Variants in NBAS observed in about 807,000 individuals in gnomAD.
NBAS encodes NBAS subunit of NRZ tethering complex, also known as NAG/BC035112 fusion.
A neutral mutation model predicts 302.5 loss-of-function variants in NBAS; 219 were observed. The ratio of observed to expected loss-of-function variants is 0.72; its 90% CI spans 0.65 to 0.81. The LOEUF is 0.81. NBAS is among the 30% of genes least tolerant of loss of function. The pLI is 0.00. For missense variants in NBAS, 2,932 were observed against 2,841.6 expected (o/e 1.03, Z -0.72); for synonymous variants, 1,118 against 1,021.6 (o/e 1.09, Z -1.80).
chr2:15,298,315 A>T (rs1009952811), intron 40 of NBAS, among the ~76,000 whole-genome samples: 3 of 152,234 alleles, frequency 2.0e-5, no homozygotes, highest in African/African-American at 7.2e-5. Flanking sequence ...TTTATTGTAT[A>T]AAACATGATA....
the NBAS span, among the ~76,000 whole-genome samples, chr2:15,088,079 C>T: frequency 2.0e-5 from 3 of 152,188 alleles, no homozygotes; most frequent in Non-Finnish European, 2.9e-5. Context: ...AAATGGGGCC[C>T]TGGAGGTACT....
chr2:15,282,222 C>T (rs952914144), intron 42 of NBAS, among the ~76,000 whole-genome samples: 1 of 152,140 alleles, frequency 6.6e-6, no homozygotes, highest in East Asian at 1.9e-4. Flanking sequence ...GGGTTAGATG[C>T]TCCCTCTCTC....
chr2:14,858,091 G>A, the NBAS span, among the ~76,000 whole-genome samples: 1 of 152,048 alleles, frequency 6.6e-6, no homozygotes, highest in Non-Finnish European at 1.5e-5. Flanking sequence ...GATCATCAGA[G>A]AAATGCAAAT....
intron 42 of NBAS, among the ~76,000 whole-genome samples, chr2:15,282,660 T>C (rs547991364): frequency 6.6e-5 from 10 of 152,298 alleles, no homozygotes; most frequent in African/African-American, 1.9e-4. Flanking sequence ...TGTATAACCA[T>C]TTGAGTGACC....
chr2:15,172,126 T>G (rs1262657518), intron 51 of NBAS, among the ~76,000 whole-genome samples: 1 of 152,242 alleles, frequency 6.6e-6, no homozygotes, highest in Admixed American at 6.5e-5. Context: ...AGCATGGGAA[T>G]GCATCAGTGT....
chr2:14,847,101 C>T, the NBAS span, among the ~76,000 whole-genome samples: 12 of 152,052 alleles, frequency 7.9e-5, no homozygotes, highest in Middle Eastern at 3.4e-3. Flanking sequence ...CAAACATAGA[C>T]GGCCGGGCAT....
chr2:15,264,780 T>C lies in NBAS; in HGVS notation c.5724+10704A>G, dbSNP rs191128059. Reference sequence around the variant, plus strand: ...TGGAGCTGGTGGGACAATTCAGTCATGTTACAACATCTCTTCCTCCTCTTA... The same window carrying C: ...TGGAGCTGGTGGGACAATTCAGTCACGTTACAACATCTCTTCCTCCTCTTA... On this transcript the variant is annotated intron_variant, in intron 44 of 51. Transcript: ENST00000281513. Among the ~76,000 whole-genome samples the C allele has an allele frequency of 5.1e-3, 779 of 152,278 alleles. 3 individuals carry two copies. Among genetic ancestry groups the C allele is most frequent in the African/African-American group, 0.016 (664 of 41,554 alleles).
chr2:15,268,566 T>G (rs1198037592), intron 44 of NBAS, among the ~76,000 whole-genome samples: 1 of 152,230 alleles, frequency 6.6e-6, no homozygotes, highest in East Asian at 1.9e-4. Flanking sequence ...GTGGCACACA[T>G]GATAGTTCTG....
intron 25 of NBAS, among the ~76,000 whole-genome samples, chr2:15,406,116 C>CAAAAAAAAAAAAAAAAAAAAAAAAA (rs772651880): frequency 1.5e-5 from 2 of 134,528 alleles, no homozygotes; most frequent in Non-Finnish European, 3.1e-5. Flanking sequence ...AAAAAAAAAA[C>CAAAAAAAAAAAAAAAAAAAAAAAAA]AAAACAAAAA....
chr2:15,561,254 A>G lies in NBAS; in HGVS notation c.51T>C (p.Gly17=). 6.2e-7 allele frequency: 1 copy of G among 1,612,240 alleles called. No individual in the cohort carries two copies. Among genetic ancestry groups the G allele is most frequent in the Non-Finnish European group, 8.5e-7 (1 of 1,179,640 alleles). The change falls in exon 1 of 52, where the codon GGT becomes GGC. Residue 17 remains glycine, a synonymous_variant. Transcript: ENST00000281513. Reference sequence around the variant, plus strand: ...AGTCATAGAGAATCGTCTCCTCCTCACCCTCTGCAGTGCCTGGACTCAAAG... The same window carrying G: ...AGTCATAGAGAATCGTCTCCTCCTCGCCCTCTGCAGTGCCTGGACTCAAAG... ...GPALSPGTAE[G]EEETILYDLL... is the part of the protein sequence containing the mutation.
intron 44 of NBAS, among the ~76,000 whole-genome samples, chr2:15,251,293 A>G (rs1468306194): frequency 2.0e-5 from 3 of 152,108 alleles, no homozygotes; most frequent in Non-Finnish European, 4.4e-5. Flanking sequence ...AACATCACAC[A>G]CCAGGGCCTG....
At chr2:14,890,863 AC>A in the NBAS span, 1 of 161,800 alleles carries the variant, frequency 6.2e-6, no homozygotes. Context: ...ACAAAAAAAA[AC>A]ATGTTCTCTT....
At chr2:15,503,336 C>G (rs981981062) in intron 11 of NBAS, among the ~76,000 whole-genome samples, 86 of 152,136 alleles carry the variant, frequency 5.7e-4, no homozygotes, top group African/African-American at 2.1e-3. Flanking sequence ...CTGATTCAAC[C>G]AACCATGAAT....
At chr2:14,997,706 T>C in the NBAS span, among the ~76,000 whole-genome samples, 4 of 152,196 alleles carry the variant, frequency 2.6e-5, no homozygotes, top group Admixed American at 1.3e-4. Context: ...ACGCTGTGTA[T>C]TAGAGCCCCA....
chr2:14,795,144 T>C, the NBAS span, among the ~76,000 whole-genome samples: 2 of 152,226 alleles, frequency 1.3e-5, no homozygotes. Flanking sequence ...GTTCATATGC[T>C]AGGTGTGTGT....
the NBAS span, among the ~76,000 whole-genome samples, chr2:14,872,073 C>A: frequency 0.56 from 85,603 of 151,914 alleles, 26,705 homozygotes; most frequent in African/African-American, 0.85. Flanking sequence ...GATGGAAAAA[C>A]ACATGCCTTC....
At chr2:15,550,810 C>T (rs1055253407) in intron 6 of NBAS, among the ~76,000 whole-genome samples, 15 of 152,132 alleles carry the variant, frequency 9.9e-5, no homozygotes, top group African/African-American at 3.6e-4. Flanking sequence ...TCGTCTCAAA[C>T]TCCTGACCTC....
chr2:15,394,175 T>A, intron 28 of NBAS, 52 bp downstream of exon 28: 1 of 1,521,228 alleles, frequency 6.6e-7, no homozygotes, highest in Non-Finnish European at 8.8e-7. Context: ...GAAATACTTT[T>A]AAAAATATTT....
the NBAS span, among the ~76,000 whole-genome samples, chr2:14,869,111 A>C: frequency 1.3e-5 from 2 of 152,208 alleles, no homozygotes; most frequent in East Asian, 3.8e-4. Flanking sequence ...AAAATGAAAT[A>C]AATAAGCAAG....
Sources: gnomAD v4.1 joint callset for allele counts (sites outside exome capture counted in the v4.1 genomes callset) on GRCh38, gnomAD v4.1.1 for gene constraint, MANE v1.5 for transcripts, NCBI Gene and HGNC (gene_info 2026-07-23, HGNC 2026-07-21) for gene names.